ADD2: variants seen among roughly 807,000 people sequenced by gnomAD.
The protein encoded by ADD2 is adducin 2, also known as beta-adducin.
ADD2 carries 23 observed loss-of-function variants against 83.0 expected under a neutral mutation model. That is an observed-to-expected ratio of 0.28 (90% confidence interval 0.20 to 0.39). The LOEUF (loss-of-function observed/expected upper bound fraction) is 0.39, where lower values mean the gene tolerates loss of function less well. Among genes scored for constraint, ADD2 ranks in the 10% least tolerant of loss-of-function variants. ADD2 has a pLI of 1.00. For synonymous variants in ADD2, 375 were observed against 375.4 expected (o/e 1.00, Z 0.01); for missense variants, 758 against 944.9 (o/e 0.80, Z 2.59).
At chr2:70,683,059 G>A (rs1553369838) in intron 10 of ADD2, among the ~76,000 whole-genome samples, 1 of 128,180 alleles carries the variant, frequency 7.8e-6, no homozygotes, top group African/African-American at 3.0e-5. Flanking sequence ...GTCTCACTCT[G>A]TCACCCAGAC....
At chr2:70,709,393 G>A (rs1430308894) in intron 2 of ADD2, among the ~76,000 whole-genome samples, 3 of 151,976 alleles carry the variant, frequency 2.0e-5, no homozygotes, top group African/African-American at 7.2e-5. Flanking sequence ...TAGAATGGTT[G>A]TGGTCATACT....
rs1370022600 is a variant in ADD2 at position 70,661,955 on chromosome 2, A to C, written c.*1470T>G. ...TTTCCTCACCCACAAAATGGGAATG[A>C]TCTTACCCCCCTCAAAGGATTACTG... On this transcript the variant is annotated 3_prime_UTR_variant, in exon 16 of 16. Transcript: ENST00000264436. The C allele has an allele frequency of 6.6e-6, 1 of 152,204 alleles. No individual in the cohort carries two copies. Among genetic ancestry groups the C allele is most frequent in the Admixed American group, 6.5e-5 (1 of 15,276 alleles). The allele number at this position is 152,204 out of a possible 1,614,324, so 9.4% of individuals were successfully genotyped here. A position where few individuals can be genotyped will look rare whatever the true frequency, so the allele number is the denominator to read the frequency against.
At chr2:70,761,092 G>C (rs1336386365) in intron 1 of ADD2, among the ~76,000 whole-genome samples, 8 of 152,144 alleles carry the variant, frequency 5.3e-5, no homozygotes, top group African/African-American at 1.7e-4. Flanking sequence ...CAAGGAATAA[G>C]TAAAAATGAA....
chr2:70,753,509 T>A (rs1674618514), intron 1 of ADD2, among the ~76,000 whole-genome samples: 1 of 150,454 alleles, frequency 6.6e-6, no homozygotes, highest in Non-Finnish European at 1.5e-5. Context: ...AGGGAAAAGG[T>A]CCCAGAGCCC....
rs76613495 is a variant in ADD2, at chr2:70,732,686, T to C, written c.-153-19502A>G. Among the ~76,000 whole-genome samples, 230 of 152,278 alleles carry C rather than the reference T, an allele frequency of 1.5e-3. 2 individuals carry two copies. The highest frequency in any genetic ancestry group is 5.2e-3 in the African/African-American group (214 of 41,538). Reference sequence around the variant, plus strand: ...AGGTCCCCGGGGGCTGGGAGGTTGTTGCCTCTACATAAAGAACTCGGCCAG... The same window carrying C: ...AGGTCCCCGGGGGCTGGGAGGTTGTCGCCTCTACATAAAGAACTCGGCCAG... On this transcript the variant is annotated intron_variant, in intron 1 of 15. Coordinates refer to ENST00000264436, the MANE Select transcript of ADD2 (RefSeq NM_001617.4).
rs555651168 is a variant in ADD2 at position 70,678,044 on chromosome 2, A to C, written c.1384-167T>G. Among the ~76,000 whole-genome samples, 7 of 152,304 alleles carry C rather than the reference A, an allele frequency of 4.6e-5. No individual in the cohort carries two copies. In the South Asian group the frequency reaches 1.5e-3, roughly 32 times the overall value. On this transcript the variant is annotated intron_variant, in intron 11 of 15. Transcript: ENST00000264436. ...CTCTTTGATGTCTGTCTCCAGGAGCAGAGAATGGCAACAGATGACCCAGTT... is the reference window on the plus strand; with the variant it reads ...CTCTTTGATGTCTGTCTCCAGGAGCCGAGAATGGCAACAGATGACCCAGTT...
chr2:70,663,956 G>A (rs1675646909), intron 15 of ADD2, among the ~76,000 whole-genome samples: 1 of 152,122 alleles, frequency 6.6e-6, no homozygotes, highest in Admixed American at 6.5e-5. Context: ...CTTGCAGGCT[G>A]GCAGCTCTGG....
chr2:70,759,585 CTT>C lies in ADD2; in HGVS notation c.-154+8299_-154+8300del, dbSNP rs1258766475. 3.3e-5 allele frequency among the ~76,000 whole-genome samples: 5 copies of C among 152,146 alleles called. No individual in the cohort carries two copies. In the East Asian group the frequency reaches 9.7e-4, roughly 29 times the overall value. ...TTGCAGTAGTGAGTGAGTTCTCACT[CTT>C]TTCATTCCCATGACAGCTGGTTGTT... On this transcript the variant is annotated intron_variant, in intron 1 of 15. Transcript: ENST00000264436.
At chr2:70,680,509 C>T (rs1553369360) in intron 10 of ADD2, among the ~76,000 whole-genome samples, 1 of 152,156 alleles carries the variant, frequency 6.6e-6, no homozygotes, top group African/African-American at 2.4e-5. Context: ...TTCTGAATTT[C>T]ACATGGAAGG....
In ADD2 at chr2:70,690,724, T is replaced by C. The variant is rs1379415632; in HGVS notation, c.849+62A>G. On this transcript the variant is annotated intron_variant, in intron 8 of 15. Transcript: ENST00000264436. Reference sequence around the variant, plus strand: ...TATTGTCCAATGAACATATGTCACTTTTGTGATGTTGGCTTTTGACAATGC... The same window carrying C: ...TATTGTCCAATGAACATATGTCACTCTTGTGATGTTGGCTTTTGACAATGC... 6.4e-6 allele frequency: 10 copies of C among 1,551,274 alleles called. No homozygotes were observed. The Admixed American group carries it at 2.0e-4, about 30-fold the overall frequency.
chr2:70,733,248 G>C (rs7595098), intron 1 of ADD2, among the ~76,000 whole-genome samples: 4,954 of 152,234 alleles, frequency 0.033, 278 homozygotes, highest in African/African-American at 0.11. Context: ...ATCACTGCTG[G>C]CTCGTCTTCT....
intron 1 of ADD2, among the ~76,000 whole-genome samples, chr2:70,734,964 G>A (rs1673455073): frequency 6.6e-6 from 1 of 152,150 alleles, no homozygotes; most frequent in East Asian, 1.9e-4. Flanking sequence ...GTCTTCATGA[G>A]TGAATCCTTA....
intron 10 of ADD2, among the ~76,000 whole-genome samples, chr2:70,680,390 C>A (rs188123903): frequency 4.7e-4 from 72 of 152,314 alleles, no homozygotes; most frequent in Non-Finnish European, 6.8e-4. Context: ...TTTTGCACAT[C>A]CATTCTGCTA....
intron 4 of ADD2, among the ~76,000 whole-genome samples, chr2:70,699,192 CGGCTATAGATAAGCCAT>C (rs1259834244): frequency 6.6e-6 from 1 of 151,882 alleles, no homozygotes; most frequent in Non-Finnish European, 1.5e-5. Flanking sequence ...CCAGAGAGCC[CGGCTATAGATAAGCCAT>C]GTGAATATGG....
At chr2:70,756,761 G>C (rs749720595) in intron 1 of ADD2, among the ~76,000 whole-genome samples, 58 of 152,148 alleles carry the variant, frequency 3.8e-4, no homozygotes, top group Non-Finnish European at 6.9e-4. Context: ...TGGAGTTGTG[G>C]GGATGGCCAG....
chr2:70,740,778 C>A (rs1394596573), intron 1 of ADD2, among the ~76,000 whole-genome samples: 3 of 152,218 alleles, frequency 2.0e-5, no homozygotes, highest in Non-Finnish European at 2.9e-5. Flanking sequence ...CAGCTCACTG[C>A]AACCTCCGCC....
At chr2:70,758,299 T>C (rs1272740670) in intron 1 of ADD2, among the ~76,000 whole-genome samples, 1 of 152,234 alleles carries the variant, frequency 6.6e-6, no homozygotes, top group Non-Finnish European at 1.5e-5. Flanking sequence ...TTTCTAGCTT[T>C]GTGAATTTTT....
chr2:70,687,055 A>G (rs1412542609), intron 9 of ADD2: 3 of 152,372 alleles, frequency 2.0e-5, no homozygotes, highest in Admixed American at 6.5e-5. Flanking sequence ...ATCCAGGAGC[A>G]ACGGGCCTCC....
chr2:70,706,488 T>A lies in ADD2; in HGVS notation c.-34-46A>T. The A allele has an allele frequency of 6.7e-7, 1 of 1,497,046 alleles. No individual in the cohort carries two copies. Among genetic ancestry groups the A allele is most frequent in the Non-Finnish European group, 9.0e-7 (1 of 1,114,328 alleles). The allele number at this position is 1,497,046 out of a possible 1,614,324, so 92.7% of individuals were successfully genotyped here. ...TATGCGGTCAGGTTGGTGCTCCCCA[T>A]CGGGGTACACGTTTCTCAGAGCACA... On this transcript the variant is annotated intron_variant, in intron 2 of 15. Coordinates refer to ENST00000264436, the MANE Select transcript of ADD2 (RefSeq NM_001617.4). The surrounding 1 kb of genome is among the most constrained non-coding windows in gnomAD (Gnocchi z 5.0).
Sources: gnomAD v4.1 joint callset for allele counts (sites outside exome capture counted in the v4.1 genomes callset) on GRCh38, gnomAD v4.1.1 for gene constraint, Gnocchi (gnomAD v3.1) non-coding constraint, MANE v1.5 for transcripts, NCBI Gene and HGNC (gene_info 2026-07-23, HGNC 2026-07-21) for gene names.